Variants in KLHL29 observed in about 807,000 individuals in gnomAD.
The protein encoded by KLHL29 is kelch-like protein 29.
A neutral mutation model predicts 80.4 loss-of-function variants in KLHL29; 21 were observed. The observed-to-expected ratio is 0.26, with a 90% CI of 0.19 to 0.38. KLHL29 has a LOEUF of 0.38. Ranked by LOEUF, KLHL29 falls within the 10% of genes least tolerant of loss-of-function variation. The pLI, the probability that KLHL29 is intolerant of heterozygous loss-of-function variation, is 1.00. For synonymous variants in KLHL29, 511 were observed against 526.8 expected (o/e 0.97, Z 0.41); for missense variants, 867 against 1,223.9 (o/e 0.71, Z 4.35).
chr2:23,477,616 A>G (rs1360350310), intron 2 of KLHL29, among the ~76,000 whole-genome samples: 4 of 152,248 alleles, frequency 2.6e-5, no homozygotes, highest in Non-Finnish European at 4.4e-5. Context: ...GCACACGCCC[A>G]TGGCACCACT....
chr2:23,388,170 G>T (rs75654683), intron 1 of KLHL29, among the ~76,000 whole-genome samples: 1 of 152,124 alleles, frequency 6.6e-6, no homozygotes, highest in African/African-American at 2.4e-5. Context: ...CTAATGAGTG[G>T]TGGTCATACT....
chr2:23,691,654 A>G lies in KLHL29; in HGVS notation c.1080-20A>G. On this transcript the variant is annotated intron_variant, in intron 6 of 13. Coordinates refer to ENST00000486442, the MANE Select transcript of KLHL29 (RefSeq NM_052920.2). ...TGGCCGCAGGGCAGGAGGTAAGGAC[A>G]CCCTGGTCTCTGTGCCTAGGTCCGT... The G allele has an allele frequency of 1.3e-6, 2 of 1,550,308 alleles. No homozygotes were observed. Among genetic ancestry groups the G allele is most frequent in the South Asian group, 2.4e-5 (2 of 84,030 alleles).
At chr2:23,655,076 T>G (rs1453570685) in intron 5 of KLHL29, among the ~76,000 whole-genome samples, 1 of 152,136 alleles carries the variant, frequency 6.6e-6, no homozygotes, top group Non-Finnish European at 1.5e-5. Flanking sequence ...CCAAAACCGT[T>G]GTTGGGATGG....
intron 2 of KLHL29, among the ~76,000 whole-genome samples, chr2:23,528,925 G>C (rs1380709813): frequency 6.6e-6 from 1 of 152,192 alleles, no homozygotes; most frequent in Non-Finnish European, 1.5e-5. Context: ...AAGTTGGCTG[G>C]GGTAGGGGTG....
chr2:23,538,023 A>C (rs1666724070), intron 2 of KLHL29, among the ~76,000 whole-genome samples: 1 of 152,228 alleles, frequency 6.6e-6, no homozygotes, highest in South Asian at 2.1e-4. Flanking sequence ...TACAGATCTC[A>C]CTTTGAGAAT....
intron 1 of KLHL29, among the ~76,000 whole-genome samples, chr2:23,429,556 C>T (rs1220431444): frequency 6.6e-6 from 1 of 152,174 alleles, no homozygotes; most frequent in African/African-American, 2.4e-5. Context: ...AGTTTGAGAC[C>T]AGCCTGGCCA....
At chr2:23,673,808 A>C (rs1045382011) in intron 5 of KLHL29, among the ~76,000 whole-genome samples, 1 of 152,044 alleles carries the variant, frequency 6.6e-6, no homozygotes, top group East Asian at 1.9e-4. Context: ...ACAGGGGTGC[A>C]TACACACGCC....
intron 11 of KLHL29, among the ~76,000 whole-genome samples, chr2:23,698,976 T>C (rs1462965579): frequency 6.6e-6 from 1 of 152,220 alleles, no homozygotes; most frequent in African/African-American, 2.4e-5. Flanking sequence ...AACCCTGCCA[T>C]ATTGGCTTAA....
intron 1 of KLHL29, among the ~76,000 whole-genome samples, chr2:23,448,324 G>C (rs1445677933): frequency 6.6e-6 from 1 of 152,182 alleles, no homozygotes; most frequent in Non-Finnish European, 1.5e-5. Flanking sequence ...TAAGTGCTCA[G>C]TATGGGTAAT....
rs1572493979 is a variant in KLHL29, at chr2:23,684,693, A to C, written c.1079+156A>C. Among the ~76,000 whole-genome samples the C allele has an allele frequency of 6.7e-6, 1 of 149,150 alleles. No individual in the cohort carries two copies. On this transcript the variant is annotated intron_variant, in intron 6 of 13. Transcript: ENST00000486442. The surrounding 1 kb of genome is among the most constrained non-coding windows in gnomAD (Gnocchi z 4.4). ...CCTCCTCCTCCTCCTCCTCCCCAGT[A>C]CCCTCTCACACACAGCCTCAGAGCA...
intron 12 of KLHL29, 127 bp from the exon 13 acceptor site, chr2:23,703,592 C>T: frequency 8.0e-7 from 1 of 1,251,620 alleles, no homozygotes; most frequent in Non-Finnish European, 1.1e-6. Flanking sequence ...CGGACCCATC[C>T]CCAGGCCAAT....
chr2:23,672,692 G>C (rs1227381032), intron 5 of KLHL29: 1 of 152,578 alleles, frequency 6.6e-6, no homozygotes, highest in Non-Finnish European at 1.5e-5. Flanking sequence ...GAGCTGTCTT[G>C]CTCACCTCTT....
chr2:23,449,895 A>G (rs886856800), intron 1 of KLHL29, among the ~76,000 whole-genome samples: 1 of 152,182 alleles, frequency 6.6e-6, no homozygotes, highest in African/African-American at 2.4e-5. Context: ...CCCAGGGGCT[A>G]TCTAGCGAGG....
chr2:23,494,077 A>G (rs1459623318), intron 2 of KLHL29, among the ~76,000 whole-genome samples: 1 of 152,256 alleles, frequency 6.6e-6, no homozygotes, highest in Non-Finnish European at 1.5e-5. Context: ...AATACAAATT[A>G]TAATAGTTGT....
At chr2:23,576,102 T>G (rs1438759049) in intron 3 of KLHL29, among the ~76,000 whole-genome samples, 1 of 152,154 alleles carries the variant, frequency 6.6e-6, no homozygotes, top group East Asian at 1.9e-4. Flanking sequence ...GTCAGGAGTT[T>G]GAGACCAGCC....
intron 1 of KLHL29, among the ~76,000 whole-genome samples, chr2:23,420,171 G>T (rs745534371): frequency 6.6e-6 from 1 of 152,006 alleles, no homozygotes; most frequent in Admixed American, 6.6e-5. Context: ...CCTGCCCAGC[G>T]ACCCTCACGG....
At chr2:23,398,751 C>T (rs573150338) in intron 1 of KLHL29, among the ~76,000 whole-genome samples, 30 of 152,258 alleles carry the variant, frequency 2.0e-4, no homozygotes, top group South Asian at 2.1e-4. Flanking sequence ...ATGGAGAGAA[C>T]GGATTTGGTT....
intron 2 of KLHL29, among the ~76,000 whole-genome samples, chr2:23,553,060 A>T (rs1667170126): frequency 6.6e-6 from 1 of 152,118 alleles, no homozygotes; most frequent in Non-Finnish European, 1.5e-5. Flanking sequence ...ACTCCCGGCC[A>T]CGGCTCTGGT....
intron 2 of KLHL29, chr2:23,507,073 A>G (rs144477063): frequency 2.3e-6 from 1 of 437,684 alleles, no homozygotes; most frequent in Non-Finnish European, 4.9e-6. Context: ...GTTCTAATCA[A>G]AGTTTGAAGG....
Sources: allele counts gnomAD v4.1 joint callset (sites outside exome capture counted in the v4.1 genomes callset), GRCh38; gene constraint gnomAD v4.1.1; non-coding constraint Gnocchi (gnomAD v3.1); transcripts MANE v1.5; gene names NCBI Gene and HGNC (gene_info 2026-07-23, HGNC 2026-07-21).